The following CD2AP variants were observed in gnomAD, a reference collection of about 807,000 sequenced individuals.
The protein encoded by CD2AP is CD2 associated protein, also known as CD2-associated protein.
Under a neutral mutation model 85.1 loss-of-function variants are expected in CD2AP, and 46 were observed. That is an observed-to-expected ratio of 0.54 (90% confidence interval 0.43 to 0.69). The LOEUF is 0.69. Among genes scored for constraint, CD2AP ranks in the 30% least tolerant of loss-of-function variants. The pLI, the probability that CD2AP is intolerant of heterozygous loss-of-function variation, is 0.00. For synonymous variants in CD2AP, 255 were observed against 252.9 expected, an observed-to-expected ratio of 1.01 and a Z score of -0.08; for missense variants, 769 against 729.5, an observed-to-expected ratio of 1.05 and a Z score of -0.62.
At position 47,554,760 on chromosome 6, in the gene CD2AP, G is replaced by A; in HGVS notation, c.535G>A (p.Asp179Asn). ...DDGETHEAQD[D>N]SETVLAGPTS... ...TGGTGAAACTCATGAAGCCCAGGAC[G>A]ATTCAGGTAGACTATTTTTTAAAAT... The change falls in exon 5 of 18, where the codon GAT (aspartate) becomes AAT (asparagine). Residue 179 changes from aspartate (D) to asparagine (N), a missense_variant. By Grantham distance (23) the Asp-to-Asn change is conservative. Transcript: ENST00000359314. The A allele has an allele frequency of 6.2e-6, 10 of 1,610,128 alleles. No homozygotes were observed. Among genetic ancestry groups the A allele is most frequent in the Non-Finnish European group, 8.5e-6 (10 of 1,177,948 alleles).
chr6:47,529,362 C>T (rs1415768266), intron 2 of CD2AP, among the ~76,000 whole-genome samples: 1 of 152,128 alleles, frequency 6.6e-6, no homozygotes, highest in African/African-American at 2.4e-5. Context: ...CGGGTTTTCT[C>T]TGGGTACTCC....
chr6:47,557,506 G>C (rs1767729141), intron 5 of CD2AP, among the ~76,000 whole-genome samples: 1 of 152,106 alleles, frequency 6.6e-6, no homozygotes, highest in African/African-American at 2.4e-5. Context: ...TTTTGTATAA[G>C]GTATAAGGAA....
rs991705639 is a variant in CD2AP at position 47,478,653 on chromosome 6, G to A, written c.4+405G>A. ...GGCGATCGAAAAACTTGATAAAGTA[G>A]CACTTTCAACTTCTTTATTTTCTGC... On this transcript the variant is annotated intron_variant, in intron 1 of 17. Transcript: ENST00000359314. 5.3e-5 allele frequency among the ~76,000 whole-genome samples: 8 copies of A among 152,146 alleles called. No homozygotes were observed. In the East Asian group the frequency reaches 1.3e-3, roughly 26 times the overall value.
At chr6:47,554,250 T>C (rs1464980839) in intron 4 of CD2AP, among the ~76,000 whole-genome samples, 1 of 152,102 alleles carries the variant, frequency 6.6e-6, no homozygotes, top group African/African-American at 2.4e-5. Flanking sequence ...TTTTTTCAAA[T>C]AAAAAATTTC....
chr6:47,572,517 A>G (rs985969682), intron 5 of CD2AP, among the ~76,000 whole-genome samples: 14 of 152,202 alleles, frequency 9.2e-5, no homozygotes, highest in Admixed American at 7.2e-4. Context: ...TATACTTGTT[A>G]GCATTATATT....
chr6:47,552,495 A>G (rs1582549785), intron 4 of CD2AP, among the ~76,000 whole-genome samples: 1 of 152,282 alleles, frequency 6.6e-6, no homozygotes, highest in South Asian at 2.1e-4. Flanking sequence ...TTTATGGCTG[A>G]GTAGTATTCC....
intron 2 of CD2AP, among the ~76,000 whole-genome samples, chr6:47,510,964 T>C (rs1411992087): frequency 6.7e-6 from 1 of 148,678 alleles, no homozygotes; most frequent in Non-Finnish European, 1.5e-5. Context: ...TCCCAGCTAC[T>C]CAGGAAGCTG....
chr6:47,609,699 C>CA (rs946314145), intron 16 of CD2AP, among the ~76,000 whole-genome samples: 5 of 151,200 alleles, frequency 3.3e-5, no homozygotes, highest in Admixed American at 1.3e-4. Flanking sequence ...GACCCTGTCT[C>CA]AAAAAAAAGT....
intron 5 of CD2AP, among the ~76,000 whole-genome samples, chr6:47,569,916 G>C (rs980108601): frequency 2.0e-5 from 3 of 152,102 alleles, no homozygotes; most frequent in Non-Finnish European, 4.4e-5. Context: ...GCCCTTACTG[G>C]TAGTACGTTG....
chr6:47,525,506 C>T (rs1231703222), intron 2 of CD2AP, among the ~76,000 whole-genome samples: 3 of 152,050 alleles, frequency 2.0e-5, no homozygotes, highest in Non-Finnish European at 4.4e-5. Flanking sequence ...CTATGGAATA[C>T]AAGTAAATTG....
chr6:47,520,681 C>T (rs920411017), intron 2 of CD2AP, among the ~76,000 whole-genome samples: 1 of 148,036 alleles, frequency 6.8e-6, no homozygotes, highest in African/African-American at 2.5e-5. Flanking sequence ...GGATGGAAGT[C>T]TAGGTTCCCT....
chr6:47,548,323 A>G (rs1042411094), intron 4 of CD2AP, among the ~76,000 whole-genome samples: 12 of 152,204 alleles, frequency 7.9e-5, no homozygotes, highest in African/African-American at 2.9e-4. Context: ...AACCAAGAAA[A>G]GAAGAGAGAA....
At chr6:47,597,937 T>G (rs1020582064) in intron 12 of CD2AP, among the ~76,000 whole-genome samples, 1 of 150,814 alleles carries the variant, frequency 6.6e-6, no homozygotes, top group African/African-American at 2.4e-5. Context: ...AGGGACCCAG[T>G]GGTGTCTCTT....
chr6:47,602,205 T>C (rs1400986044), intron 13 of CD2AP, among the ~76,000 whole-genome samples: 3 of 152,028 alleles, frequency 2.0e-5, no homozygotes, highest in Non-Finnish European at 4.4e-5. Context: ...AAGAAAGACA[T>C]ATACAGAACA....
intron 1 of CD2AP, among the ~76,000 whole-genome samples, chr6:47,497,900 G>A (rs925780810): frequency 2.0e-4 from 30 of 152,092 alleles, no homozygotes; most frequent in African/African-American, 5.3e-4. Flanking sequence ...TTTGTCTCCC[G>A]TTTAGTATAG....
At chr6:47,604,235 C>A (rs981508007) in intron 13 of CD2AP, among the ~76,000 whole-genome samples, 49 of 151,986 alleles carry the variant, frequency 3.2e-4, no homozygotes, top group African/African-American at 1.1e-3. Context: ...CCATTGTTAT[C>A]CCTCTTAGGT....
chr6:47,510,553 G>A (rs908568055), intron 2 of CD2AP, among the ~76,000 whole-genome samples: 8 of 152,062 alleles, frequency 5.3e-5, no homozygotes, highest in African/African-American at 1.9e-4. Flanking sequence ...CCAATATCTA[G>A]AGCTGGAACA....
At chr6:47,620,160 CTGT>C (rs1769706476) in intron 17 of CD2AP, among the ~76,000 whole-genome samples, 2 of 152,100 alleles carry the variant, frequency 1.3e-5, no homozygotes, top group African/African-American at 4.8e-5. Flanking sequence ...AAGGGTTTTT[CTGT>C]TGTTATCTTC....
At chr6:47,612,792 T>TA (rs1008790028) in intron 17 of CD2AP, among the ~76,000 whole-genome samples, 16 of 151,726 alleles carry the variant, frequency 1.1e-4, no homozygotes, top group Middle Eastern at 3.2e-3. Context: ...TTGTGGGAGC[T>TA]AAAAAAAATT....
Sources: gnomAD v4.1 joint callset for allele counts (sites outside exome capture counted in the v4.1 genomes callset) on GRCh38, gnomAD v4.1.1 for gene constraint, MANE v1.5 for transcripts, NCBI Gene and HGNC (gene_info 2026-07-23, HGNC 2026-07-21) for gene names.